ABCC8: variants seen among roughly 807,000 people sequenced by gnomAD.
ABCC8 encodes the protein ATP binding cassette subfamily C member 8.
Under a neutral mutation model 188.0 loss-of-function variants are expected in ABCC8, and 137 were observed. The ratio of observed to expected loss-of-function variants is 0.73; its 90% CI spans 0.63 to 0.84. The LOEUF is 0.84. ABCC8 is among the 40% of genes least tolerant of loss of function. The pLI is 0.00. For synonymous variants in ABCC8, 797 were observed against 846.5 expected, an observed-to-expected ratio of 0.94 and a Z score of 1.01; for missense variants, 1,750 against 2,072.7, an observed-to-expected ratio of 0.84 and a Z score of 3.02.
chr11:17,460,431 C>T, intron 6 of ABCC8, 57 bp downstream of exon 6: 1 of 1,612,266 alleles, frequency 6.2e-7, no homozygotes, highest in Middle Eastern at 1.7e-4. Flanking sequence ...GTTGCACTCT[C>T]AGAAACAACT....
Position 17,404,804 on chromosome 11 carries a change from C to A in ABCC8, c.3400-135G>T. On this transcript the variant is annotated intron_variant, in intron 27 of 38. Transcript: ENST00000389817. This position sits in a 1 kb window ranked among gnomAD's most constrained non-coding sequence, Gnocchi z 4.7. ...TTTGAGACTGAGTCTCACTGTTGCCCAGACTTGAGTGCAGCAGCGTAATCT... is the reference window on the plus strand; with the variant it reads ...TTTGAGACTGAGTCTCACTGTTGCCAAGACTTGAGTGCAGCAGCGTAATCT... 7.3e-7 allele frequency: 1 copy of A among 1,374,876 alleles called. No homozygotes were observed. The highest frequency in any genetic ancestry group is 9.9e-7 in the Non-Finnish European group (1 of 1,005,676). The allele number at this position is 1,374,876 out of a possible 1,614,324, so 85.2% of individuals were successfully genotyped here.
At chr11:17,416,364 T>G (rs1027690241) in intron 17 of ABCC8, among the ~76,000 whole-genome samples, 18 of 152,198 alleles carry the variant, frequency 1.2e-4, no homozygotes, top group African/African-American at 4.3e-4. Flanking sequence ...CTGCCTGGCC[T>G]GAGGGACACC....
chr11:17,428,724 G>C, intron 12 of ABCC8, 54 bp from the exon 13 acceptor site: 1 of 1,603,226 alleles, frequency 6.2e-7, no homozygotes, highest in Non-Finnish European at 8.5e-7. Flanking sequence ...AGAGGGGAGG[G>C]GAGAGGGCGC....
At chr11:17,412,344 G>T (rs938235062) in intron 21 of ABCC8, among the ~76,000 whole-genome samples, 1 of 152,230 alleles carries the variant, frequency 6.6e-6, no homozygotes, top group Non-Finnish European at 1.5e-5. Flanking sequence ...CACACATTCT[G>T]TTATCAGCCA....
intron 3 of ABCC8, among the ~76,000 whole-genome samples, chr11:17,464,524 C>T (rs371452908): frequency 4.6e-5 from 7 of 152,308 alleles, no homozygotes; most frequent in African/African-American, 1.7e-4. Flanking sequence ...CATAATAGTG[C>T]TACCTAGAAG....
rs749857214 is a variant in ABCC8 at position 17,460,505 on chromosome 11, C to T, written c.994G>A (p.Asp332Asn). 12 of 1,614,170 alleles carry T rather than the reference C, an allele frequency of 7.4e-6. No homozygotes were observed. Among genetic ancestry groups the T allele is most frequent in the Middle Eastern group, 3.3e-4 (2 of 6,054 alleles). The change falls in exon 6 of 39, where the codon GAC becomes AAC. Residue 332 changes from aspartate to asparagine, a missense_variant. Physicochemically the swap from Asp to Asn is conservative, Grantham distance 23. Transcript: ENST00000389817. ...CTGCCTACCTTGGGCTGGAAGACGT[C>T]GTTCTCCTTCCCAAGGTGGTCCACG... is the stretch of plus-strand genomic sequence containing the variant. ...GIVDHLGKEN[D>N]VFQPKTQFLG...
intron 6 of ABCC8, among the ~76,000 whole-genome samples, 186 bp downstream of exon 6, chr11:17,460,302 C>T (rs1394641764): frequency 2.0e-5 from 3 of 152,190 alleles, no homozygotes; most frequent in African/African-American, 4.8e-5. Flanking sequence ...GGCATAGGCT[C>T]GCCCTCTGGC....
intron 6 of ABCC8, among the ~76,000 whole-genome samples, chr11:17,459,961 T>G (rs948317783): frequency 7.2e-5 from 11 of 152,222 alleles, no homozygotes; most frequent in Non-Finnish European, 2.9e-5. Flanking sequence ...AACATATTAA[T>G]AAAACTACGG....
intron 11 of ABCC8, among the ~76,000 whole-genome samples, chr11:17,431,784 A>C (rs1456493192): frequency 6.6e-6 from 1 of 152,268 alleles, no homozygotes; most frequent in Non-Finnish European, 1.5e-5. Flanking sequence ...ATTTTTGTAG[A>C]AAATGACATA....
rs778802042 is a variant in ABCC8 at position 17,475,075 on chromosome 11, G to A, written c.149-48C>T. ...GCAGGATGCCTGCCCACTTGGAGGA[G>A]GAAGAGGGTGCATGAACCCCAGAAA... On this transcript the variant is annotated intron_variant, in intron 1 of 38. Transcript: ENST00000389817. 2.5e-6 allele frequency: 4 copies of A among 1,611,260 alleles called. No homozygotes were observed. In the East Asian group the frequency reaches 6.7e-5, roughly 27 times the overall value.
intron 18 of ABCC8, 116 bp downstream of exon 18, chr11:17,415,188 C>G (rs938952853): frequency 2.7e-6 from 4 of 1,460,600 alleles, no homozygotes. Flanking sequence ...CCTGGCCTCC[C>G]CCAACACTGG....
rs1156788823 is a variant in ABCC8 at position 17,427,763 on chromosome 11, G to T, written c.2116+104C>A. 6.9e-7 allele frequency: 1 copy of T among 1,439,520 alleles called. No homozygotes were observed. Among genetic ancestry groups the T allele is most frequent in the South Asian group, 1.3e-5 (1 of 77,122 alleles). The allele number at this position is 1,439,520 out of a possible 1,614,324, so 89.2% of individuals were successfully genotyped here. ...TATACCCAGGGCATACACCAAGAAT[G>T]AGCAGAGAGTAGGTGCTCAATAAAT... On this transcript the variant is annotated intron_variant, in intron 15 of 38. Coordinates refer to ENST00000389817, the MANE Select transcript of ABCC8 (RefSeq NM_000352.6). The surrounding 1 kb of genome is among the most constrained non-coding windows in gnomAD (Gnocchi z 5.0).
Position 17,461,778 on chromosome 11 carries a change from G to A in ABCC8, c.627C>T (p.Asp209=), listed in dbSNP as rs80356640. The change falls in exon 5 of 39, where the codon GAC becomes GAT. Residue 209 remains aspartate, a synonymous_variant. Coordinates refer to ENST00000389817, the MANE Select transcript of ABCC8 (RefSeq NM_000352.6). ...GGAAGCGTACCCCCAGGTCTTGCAG[G>A]TCCTCGGGAGGCTTCACCTCCCTCG... ...KTPREVKPPE[D]LQDLGVRFLQ... is the part of the protein sequence containing the mutation. 16 of 1,614,032 alleles carry A rather than the reference G, an allele frequency of 9.9e-6. No homozygotes were observed. In the African/African-American group the frequency reaches 2.0e-4, roughly 20 times the overall value.
chr11:17,465,173 C>G (rs772067315), intron 3 of ABCC8, among the ~76,000 whole-genome samples: 3 of 152,212 alleles, frequency 2.0e-5, no homozygotes, highest in Non-Finnish European at 2.9e-5. Context: ...AGGCTGGTCT[C>G]TAGGACTGGA....
At chr11:17,467,827 G>C (rs1207294128) in intron 3 of ABCC8, among the ~76,000 whole-genome samples, 1 of 152,222 alleles carries the variant, frequency 6.6e-6, no homozygotes, top group Non-Finnish European at 1.5e-5. Flanking sequence ...GTCCTTTCAA[G>C]GGGAGATAAC....
rs755181061 is a variant in ABCC8, at chr11:17,427,878, C to T, written c.2105G>A (p.Arg702His). Residue 702 changes from arginine to histidine, a missense_variant, in exon 15 of 39, where the codon CGT (arginine) becomes CAT (histidine). By Grantham distance (29) the Arg-to-His change is conservative. Transcript: ENST00000389817. The surrounding 1 kb of genome is among the most constrained non-coding windows in gnomAD (Gnocchi z 5.0). ...GGACTGGGCCATACCTCGGGGGATA[C>T]GAATGGTGATGTTGGACAGTGTGGG... ...GIPTLSNITI[R>H]IPRGQLTMIV... The T allele has an allele frequency of 5.1e-5, 83 of 1,613,892 alleles. No individual in the cohort carries two copies. In the East Asian group the frequency reaches 8.9e-4, roughly 17 times the overall value.
chr11:17,470,766 C>T (rs1369787162), intron 2 of ABCC8, among the ~76,000 whole-genome samples: 3 of 152,206 alleles, frequency 2.0e-5, no homozygotes, highest in Non-Finnish European at 4.4e-5. Context: ...GATTTTGTCT[C>T]CTCTCTCGGG....
chr11:17,462,015 T>G, intron 4 of ABCC8, 190 bp from the exon 5 acceptor site: 1 of 642,900 alleles, frequency 1.6e-6, no homozygotes, highest in Non-Finnish European at 1.9e-6. Flanking sequence ...CAGGGCATCC[T>G]GACTTTGTAA....
chr11:17,475,233 A>C, intron 1 of ABCC8: 1 of 238,098 alleles, frequency 4.2e-6, no homozygotes, highest in Non-Finnish European at 6.8e-6. Flanking sequence ...ACACCTTTTT[A>C]CTGAGACAGG....
Sources: allele counts gnomAD v4.1 joint callset (sites outside exome capture counted in the v4.1 genomes callset), GRCh38; gene constraint gnomAD v4.1.1; non-coding constraint Gnocchi (gnomAD v3.1); transcripts MANE v1.5; gene names NCBI Gene and HGNC (gene_info 2026-07-23, HGNC 2026-07-21).